VKORC1L1: variants seen among roughly 807,000 people sequenced by gnomAD.
VKORC1L1 encodes vitamin K epoxide reductase complex subunit 1-like protein 1.
VKORC1L1 carries 2 observed loss-of-function variants against 18.9 expected under a neutral mutation model. That is an observed-to-expected ratio of 0.11 (90% CI 0.04 to 0.33). VKORC1L1 has a LOEUF of 0.33. VKORC1L1 is among the 10% of genes least tolerant of loss of function. VKORC1L1 has a pLI of 1.00. For missense variants in VKORC1L1, 123 were observed against 224.1 expected (o/e 0.55, Z 2.88); for synonymous variants, 96 against 100.0 (o/e 0.96, Z 0.24).
intron 1 of VKORC1L1, among the ~76,000 whole-genome samples, chr7:65,874,074 C>T (rs745466062): frequency 6.6e-6 from 1 of 152,188 alleles, no homozygotes; most frequent in Non-Finnish European, 1.5e-5. Context: ...CACTGTCTTC[C>T]TGGTGCTAGG....
intron 1 of VKORC1L1, among the ~76,000 whole-genome samples, chr7:65,916,210 GT>G (rs1223354254): frequency 6.6e-6 from 1 of 151,692 alleles, no homozygotes. Flanking sequence ...TATGTGCCTG[GT>G]TTTTTTCTCT....
chr7:65,946,272 G>T (rs1790117971), intron 1 of VKORC1L1, among the ~76,000 whole-genome samples: 1 of 149,408 alleles, frequency 6.7e-6, no homozygotes, highest in South Asian at 2.2e-4. Flanking sequence ...CCTTTGACTT[G>T]CCATTGCTCA....
intron 1 of VKORC1L1, among the ~76,000 whole-genome samples, chr7:65,874,813 T>G (rs1300243168): frequency 6.6e-6 from 1 of 151,964 alleles, no homozygotes; most frequent in East Asian, 1.9e-4. Flanking sequence ...CTCAAATAAA[T>G]AAATAAAATA....
chr7:65,918,343 T>C (rs867379354), intron 1 of VKORC1L1, among the ~76,000 whole-genome samples: 1 of 152,200 alleles, frequency 6.6e-6, no homozygotes, highest in Non-Finnish European at 1.5e-5. Context: ...CACAGAGATA[T>C]GTAGATAATA....
chr7:65,886,698 C>T (rs866772211), intron 1 of VKORC1L1, among the ~76,000 whole-genome samples: 12 of 151,128 alleles, frequency 7.9e-5, no homozygotes, highest in African/African-American at 2.2e-4. Context: ...CCACCATGCC[C>T]GGCTAATTTT....
intron 1 of VKORC1L1, among the ~76,000 whole-genome samples, chr7:65,922,113 C>T (rs1434651760): frequency 3.3e-5 from 5 of 152,138 alleles, no homozygotes; most frequent in Non-Finnish European, 5.9e-5. Flanking sequence ...TTACCAATCA[C>T]GTACCTTTTT....
At chr7:65,903,933 A>G (rs887054538) in intron 1 of VKORC1L1, among the ~76,000 whole-genome samples, 6 of 152,210 alleles carry the variant, frequency 3.9e-5, no homozygotes, top group African/African-American at 1.4e-4. Flanking sequence ...GAGTAAACAT[A>G]AGAATTTTTT....
At chr7:65,888,646 G>A (rs955597700) in intron 1 of VKORC1L1, among the ~76,000 whole-genome samples, 1 of 152,108 alleles carries the variant, frequency 6.6e-6, no homozygotes, top group South Asian at 2.1e-4. Flanking sequence ...GGGGGGTGCA[G>A]GGGGGAGTTG....
chr7:65,917,380 A>T (rs1462962545), intron 1 of VKORC1L1, among the ~76,000 whole-genome samples: 1 of 152,188 alleles, frequency 6.6e-6, no homozygotes, highest in Non-Finnish European at 1.5e-5. Flanking sequence ...TGCATAGGAC[A>T]GTCAGAATTC....
intron 1 of VKORC1L1, among the ~76,000 whole-genome samples, chr7:65,939,760 A>G (rs1334401563): frequency 6.6e-6 from 1 of 152,206 alleles, no homozygotes; most frequent in African/African-American, 2.4e-5. Context: ...TGCGAACTCA[A>G]CCAGGCACAG....
chr7:65,907,569 C>T (rs1365232578), intron 1 of VKORC1L1, among the ~76,000 whole-genome samples: 2 of 152,224 alleles, frequency 1.3e-5, no homozygotes, highest in Admixed American at 1.3e-4. Flanking sequence ...AGATTGCTTT[C>T]ACAGTCCAGA....
rs373369404 is a variant in VKORC1L1, at chr7:65,896,860, G to A, written c.194+23295G>A. On this transcript the variant is annotated intron_variant, in intron 1 of 2. Coordinates refer to ENST00000360768, the MANE Select transcript of VKORC1L1 (RefSeq NM_173517.6). ...TTAAAAATACAAAAATTAGCCAGGT[G>A]TAGTGGCACATGCCTGTAATCCCAG... Among the ~76,000 whole-genome samples, 106 of 152,234 alleles carry A rather than the reference G, an allele frequency of 7.0e-4. 1 individual carries two copies. Among genetic ancestry groups the A allele is most frequent in the African/African-American group, 2.5e-3 (103 of 41,542 alleles).
At chr7:65,931,974 C>T (rs539892609) in intron 1 of VKORC1L1, among the ~76,000 whole-genome samples, 21 of 152,246 alleles carry the variant, frequency 1.4e-4, no homozygotes, top group African/African-American at 4.3e-4. Flanking sequence ...TTCAAAGAAC[C>T]AGCCTTTGGT....
intron 1 of VKORC1L1, among the ~76,000 whole-genome samples, chr7:65,924,574 T>A (rs1789728990): frequency 6.6e-6 from 1 of 152,222 alleles, no homozygotes; most frequent in Non-Finnish European, 1.5e-5. Flanking sequence ...TTAAACTTTA[T>A]TTACAAAAAC....
intron 1 of VKORC1L1, among the ~76,000 whole-genome samples, chr7:65,891,799 A>G (rs1225496780): frequency 3.3e-5 from 5 of 152,208 alleles, no homozygotes; most frequent in Non-Finnish European, 7.3e-5. Flanking sequence ...TCATTTCTTC[A>G]TGTTAGGAAT....
At chr7:65,932,052 C>G (rs1247136915) in intron 1 of VKORC1L1, among the ~76,000 whole-genome samples, 1 of 151,920 alleles carries the variant, frequency 6.6e-6, no homozygotes, top group Non-Finnish European at 1.5e-5. Context: ...TTTTGTTTTG[C>G]TTTCCTTCGT....
At chr7:65,882,786 T>C (rs1278368144) in intron 1 of VKORC1L1, among the ~76,000 whole-genome samples, 1 of 152,226 alleles carries the variant, frequency 6.6e-6, no homozygotes, top group Non-Finnish European at 1.5e-5. Context: ...TCAGGATTAG[T>C]ACATATTGTA....
intron 1 of VKORC1L1, among the ~76,000 whole-genome samples, chr7:65,902,536 T>G (rs186897847): frequency 1.3e-5 from 2 of 152,106 alleles, no homozygotes; most frequent in East Asian, 3.9e-4. Context: ...CTAACATATG[T>G]GTAATTGGAG....
intron 1 of VKORC1L1, among the ~76,000 whole-genome samples, chr7:65,935,769 ACT>A (rs1789932362): frequency 6.6e-6 from 1 of 151,504 alleles, no homozygotes; most frequent in Non-Finnish European, 1.5e-5. Flanking sequence ...AGTTTAATCA[ACT>A]CTCATGTTAA....
Sources: allele counts gnomAD v4.1 joint callset (sites outside exome capture counted in the v4.1 genomes callset), GRCh38; gene constraint gnomAD v4.1.1; transcripts MANE v1.5; gene names NCBI Gene and HGNC (gene_info 2026-07-23, HGNC 2026-07-21).